Variants in AFG2A observed in about 807,000 individuals in gnomAD.
AFG2A encodes AAA ATPase AFG2A, also known as ATPase family gene 2 protein homolog A.
chr4:123,060,209 G>A, the AFG2A span, among the ~76,000 whole-genome samples: 1 of 152,176 alleles, frequency 6.6e-6, no homozygotes, highest in African/African-American at 2.4e-5. Flanking sequence ...GGTGCCACAG[G>A]CACATGGTGC....
chr4:123,041,481 A>G, the AFG2A span, among the ~76,000 whole-genome samples: 1 of 151,528 alleles, frequency 6.6e-6, no homozygotes, highest in Non-Finnish European at 1.5e-5. Flanking sequence ...TTTTTAGACT[A>G]TGTATAATCT....
chr4:123,260,188 G>T, the AFG2A span: 18 of 152,094 alleles, frequency 1.2e-4, no homozygotes, highest in African/African-American at 4.1e-4. Context: ...TACTATAGTG[G>T]TTTTTTTATT....
At chr4:122,946,766 C>G in the AFG2A span, among the ~76,000 whole-genome samples, 13 of 152,006 alleles carry the variant, frequency 8.6e-5, no homozygotes, top group Admixed American at 2.6e-4. Context: ...AAAAACTAGT[C>G]TATAAGCGAA....
chr4:123,272,211 A>G, the AFG2A span, among the ~76,000 whole-genome samples: 4 of 152,264 alleles, frequency 2.6e-5, no homozygotes, highest in African/African-American at 9.6e-5. Flanking sequence ...TTTTTCAAAG[A>G]CAGTTGTTGA....
the AFG2A span, chr4:123,260,039 T>G: frequency 2.0e-5 from 3 of 152,164 alleles, no homozygotes; most frequent in African/African-American, 7.2e-5. Context: ...AGAGGCCAGC[T>G]TCAGCCAAGT....
the AFG2A span, among the ~76,000 whole-genome samples, chr4:122,987,535 T>A: frequency 6.6e-6 from 1 of 152,116 alleles, no homozygotes; most frequent in East Asian, 1.9e-4. Context: ...TGATTTTTTT[T>A]TTTTAGTGAT....
At chr4:123,018,791 G>A in the AFG2A span, among the ~76,000 whole-genome samples, 1 of 150,320 alleles carries the variant, frequency 6.7e-6, no homozygotes, top group Non-Finnish European at 1.5e-5. Context: ...GCACCACCAC[G>A]CCCAGCTAAT....
chr4:123,127,064 T>G, the AFG2A span, among the ~76,000 whole-genome samples: 1 of 152,004 alleles, frequency 6.6e-6, no homozygotes, highest in Non-Finnish European at 1.5e-5. Flanking sequence ...CTACAAAAAT[T>G]GAAAAATCAG....
chr4:123,271,864 ATGTTT>A, the AFG2A span, among the ~76,000 whole-genome samples: 10 of 56,574 alleles, frequency 1.8e-4, no homozygotes, highest in African/African-American at 4.3e-4. Context: ...TATTCCTAAT[ATGTTT>A]TTTTTTTTTT....
the AFG2A span, chr4:122,938,369 G>C: frequency 8.7e-7 from 1 of 1,150,276 alleles, no homozygotes; most frequent in Non-Finnish European, 1.1e-6. Flanking sequence ...AAAAATATTA[G>C]CCATAGCAAC....
the AFG2A span, chr4:122,936,229 T>G: frequency 8.8e-7 from 1 of 1,130,204 alleles, no homozygotes; most frequent in Non-Finnish European, 1.3e-6. Context: ...ACTAGCACCT[T>G]ATACAAAGCA....
the AFG2A span, among the ~76,000 whole-genome samples, chr4:122,936,766 G>C: frequency 1.3e-5 from 2 of 152,138 alleles, no homozygotes; most frequent in East Asian, 1.9e-4. Context: ...GATCACCTGA[G>C]GTCAGGAGTT....
At chr4:123,212,753 T>C in the AFG2A span, among the ~76,000 whole-genome samples, 3 of 152,152 alleles carry the variant, frequency 2.0e-5, no homozygotes, top group Admixed American at 1.3e-4. Context: ...AAATACAGCA[T>C]GGTTAGAGGT....
chr4:123,087,844 G>A, the AFG2A span, among the ~76,000 whole-genome samples: 2 of 152,206 alleles, frequency 1.3e-5, no homozygotes, highest in East Asian at 1.9e-4. Context: ...TCTAAGAAGA[G>A]TTGGTTTTTC....
the AFG2A span, among the ~76,000 whole-genome samples, chr4:122,980,483 G>C: frequency 6.6e-6 from 1 of 152,088 alleles, no homozygotes; most frequent in Admixed American, 6.5e-5. Context: ...TGCAGATATC[G>C]CTTTGAGATA....
the AFG2A span, among the ~76,000 whole-genome samples, chr4:123,026,141 G>C: frequency 2.0e-5 from 3 of 150,592 alleles, no homozygotes; most frequent in Admixed American, 6.6e-5. Flanking sequence ...GTGTGTATGT[G>C]TGTCTGTCTG....
chr4:123,212,693 A>G, the AFG2A span, among the ~76,000 whole-genome samples: 2 of 152,164 alleles, frequency 1.3e-5, no homozygotes, highest in Admixed American at 6.5e-5. Context: ...GATCATCTGT[A>G]TTACAGGGAT....
the AFG2A span, among the ~76,000 whole-genome samples, chr4:123,202,198 T>C: frequency 6.6e-6 from 1 of 152,206 alleles, no homozygotes; most frequent in African/African-American, 2.4e-5. Context: ...ATCACACATT[T>C]TGTTTTTCAC....
the AFG2A span, among the ~76,000 whole-genome samples, chr4:123,184,809 T>A: frequency 6.6e-6 from 1 of 152,148 alleles, no homozygotes; most frequent in African/African-American, 2.4e-5. Flanking sequence ...GTGCTGGGAT[T>A]ACAGGCGTGA....
Sources: gnomAD v4.1 joint callset for allele counts (sites outside exome capture counted in the v4.1 genomes callset) on GRCh38, gnomAD v4.1.1 for gene constraint, MANE v1.5 for transcripts, NCBI Gene and HGNC (gene_info 2026-07-23, HGNC 2026-07-21) for gene names.